The following THSD7A variants were observed in gnomAD, a reference collection of about 807,000 sequenced individuals.
THSD7A encodes the protein thrombospondin type 1 domain containing 7A.
A neutral mutation model predicts 231.3 loss-of-function variants in THSD7A; 96 were observed. That is an observed-to-expected ratio of 0.41 (90% CI 0.35 to 0.49). The LOEUF is 0.49. THSD7A is among the 20% of genes least tolerant of loss of function. THSD7A has a pLI of 0.05. For missense variants in THSD7A, 2,290 were observed against 2,070.2 expected (o/e 1.11, Z -2.06); for synonymous variants, 940 against 743.3 (o/e 1.26, Z -4.30).
At chr7:11,545,705 G>A (rs1238017004) in intron 4 of THSD7A, among the ~76,000 whole-genome samples, 1 of 152,214 alleles carries the variant, frequency 6.6e-6, no homozygotes, top group East Asian at 1.9e-4. Context: ...CCTAGCTGCA[G>A]GGGAACCCAC....
At chr7:11,378,787 A>AAATT (rs1313022420) in intron 26 of THSD7A, 1 of 357,114 alleles carries the variant, frequency 2.8e-6, no homozygotes, top group Non-Finnish European at 5.1e-6. Context: ...GTTCAATTTG[A>AAATT]AATTAATTAT....
At chr7:11,417,316 A>G (rs1783994050) in intron 17 of THSD7A, 134 bp downstream of exon 17, 2 of 847,332 alleles carry the variant, frequency 2.4e-6, no homozygotes. Context: ...GAGAAGACAC[A>G]CCTTGCTTTG....
At chr7:11,477,855 T>G (rs1786257597) in intron 7 of THSD7A, among the ~76,000 whole-genome samples, 1 of 152,192 alleles carries the variant, frequency 6.6e-6, no homozygotes, top group South Asian at 2.1e-4. Context: ...TCAGGTCTTT[T>G]CAGTGAATGA....
rs116505873 is a variant in THSD7A, at chr7:11,640,083, C to T, written c.191-3122G>A. On this transcript the variant is annotated intron_variant, in intron 1 of 27. Transcript: ENST00000423059. The stretch of plus-strand genomic sequence containing the variant: ...CACTTCCAGAGTACCATATATGTTT[C>T]TCACGTAATGTTTAAATGTTAGTCA... 7.3e-3 allele frequency among the ~76,000 whole-genome samples: 1,104 copies of T among 152,260 alleles called. 11 individuals are homozygous for T. The highest frequency in any genetic ancestry group is 0.025 in the African/African-American group (1,040 of 41,538).
At chr7:11,701,075 A>AC (rs1780584700) in intron 1 of THSD7A, among the ~76,000 whole-genome samples, 2 of 151,280 alleles carry the variant, frequency 1.3e-5, no homozygotes, top group Non-Finnish European at 1.5e-5. Context: ...CATGATTTAA[A>AC]ATACTGAGAT....
intron 1 of THSD7A, among the ~76,000 whole-genome samples, chr7:11,738,404 T>C (rs1397577847): frequency 2.0e-5 from 3 of 152,032 alleles, no homozygotes; most frequent in Admixed American, 6.6e-5. Context: ...TGTAACACAA[T>C]AGCATCTCAG....
chr7:11,469,785 G>A, intron 9 of THSD7A, 94 bp downstream of exon 9: 1 of 811,598 alleles, frequency 1.2e-6, no homozygotes, highest in South Asian at 1.6e-5. Context: ...ATAGCCCTGT[G>A]CAAAACTCAC....
chr7:11,515,035 A>G (rs909856592), intron 6 of THSD7A, among the ~76,000 whole-genome samples: 6 of 152,196 alleles, frequency 3.9e-5, no homozygotes, highest in African/African-American at 1.2e-4. Flanking sequence ...TTTGAGTGGC[A>G]TAAGTGATAA....
intron 6 of THSD7A, among the ~76,000 whole-genome samples, chr7:11,499,636 A>T (rs62438221): frequency 0.07 from 10,645 of 152,296 alleles, 418 homozygotes; most frequent in South Asian, 0.14. Flanking sequence ...CTAATGGGTC[A>T]GACAGAGCTG....
chr7:11,753,773 G>GGA (rs149223505), intron 1 of THSD7A, among the ~76,000 whole-genome samples: 16 of 150,032 alleles, frequency 1.1e-4, no homozygotes, highest in East Asian at 5.9e-4. Flanking sequence ...ACAATGCAAT[G>GGA]GAGAGAGAGA....
At chr7:11,418,857 A>G (rs1217397493) in intron 16 of THSD7A, among the ~76,000 whole-genome samples, 1 of 152,232 alleles carries the variant, frequency 6.6e-6, no homozygotes, top group Non-Finnish European at 1.5e-5. Context: ...ATACATAAAA[A>G]GCAATCACAA....
intron 6 of THSD7A, among the ~76,000 whole-genome samples, chr7:11,486,579 G>A (rs1390298970): frequency 7.5e-6 from 1 of 132,984 alleles, no homozygotes; most frequent in East Asian, 2.2e-4. Flanking sequence ...TATCACTGGT[G>A]TAGGTATGAA....
Position 11,636,453 on chromosome 7 carries a change from T to C in THSD7A, c.699A>G (p.Pro233=), listed in dbSNP as rs201820241. 1 of 1,613,698 alleles carries C rather than the reference T, an allele frequency of 6.2e-7. No individual in the cohort carries two copies. Among genetic ancestry groups the C allele is most frequent in the Non-Finnish European group, 8.5e-7 (1 of 1,179,816 alleles). The change falls in exon 2 of 28, where the codon CCA becomes CCG. Residue 233 remains proline, a synonymous_variant. Coordinates refer to ENST00000423059, the MANE Select transcript of THSD7A (RefSeq NM_015204.3). This position sits in a 1 kb window ranked among gnomAD's most constrained non-coding sequence, Gnocchi z 10.0. The stretch of plus-strand genomic sequence containing the variant: ...GGCACACCTGGAACTCCGTCAGGTT[T>C]GGACAGCCAGAGCCTCCGAACTGCG... ...APPQFGGSGC[P]NLTEFQVCQS...
chr7:11,545,624 T>G (rs981706185), intron 4 of THSD7A, among the ~76,000 whole-genome samples: 1 of 152,144 alleles, frequency 6.6e-6, no homozygotes, highest in Non-Finnish European at 1.5e-5. Flanking sequence ...TTCCTGGCCC[T>G]GAGGGGCTCC....
rs1781679437 is a variant in THSD7A, at chr7:11,632,151, C to T, written c.1022+3979G>A. Among the ~76,000 whole-genome samples, 2 of 152,174 alleles carry T rather than the reference C, an allele frequency of 1.3e-5. No individual in the cohort carries two copies. Among genetic ancestry groups the T allele is most frequent in the South Asian group, 2.1e-4 (1 of 4,822 alleles). On this transcript the variant is annotated intron_variant, in intron 2 of 27. Transcript: ENST00000423059. This position sits in a 1 kb window ranked among gnomAD's most constrained non-coding sequence, Gnocchi z 4.1. ...CTTGTGAAGTTAGCCTTTCCTCTCT[C>T]TTTATTTTTCAGTATTTTCCTGTCT...
chr7:11,738,211 T>C (rs188947315), intron 1 of THSD7A, among the ~76,000 whole-genome samples: 169 of 152,096 alleles, frequency 1.1e-3, no homozygotes, highest in Non-Finnish European at 1.4e-3. Flanking sequence ...TGGCACTATA[T>C]TGATTGAGCA....
chr7:11,741,474 T>C (rs1782110848), intron 1 of THSD7A, among the ~76,000 whole-genome samples: 1 of 151,924 alleles, frequency 6.6e-6, no homozygotes, highest in Admixed American at 6.6e-5. Flanking sequence ...ATATGCTATA[T>C]ATGCACTGAA....
intron 22 of THSD7A, among the ~76,000 whole-genome samples, chr7:11,404,948 T>C (rs1783532788): frequency 6.6e-6 from 1 of 152,020 alleles, no homozygotes; most frequent in Non-Finnish European, 1.5e-5. Flanking sequence ...GCTATTCAGA[T>C]TTTTGGTTTT....
At chr7:11,503,270 T>G (rs1787412781) in intron 6 of THSD7A, among the ~76,000 whole-genome samples, 1 of 152,202 alleles carries the variant, frequency 6.6e-6, no homozygotes, top group Admixed American at 6.5e-5. Flanking sequence ...TGCAGAAGAT[T>G]GAAGCTGGAC....
Sources: allele counts gnomAD v4.1 joint callset (sites outside exome capture counted in the v4.1 genomes callset), GRCh38; gene constraint gnomAD v4.1.1; non-coding constraint Gnocchi (gnomAD v3.1); transcripts MANE v1.5; gene names NCBI Gene and HGNC (gene_info 2026-07-23, HGNC 2026-07-21).